The following ADGRB3 variants were observed in gnomAD, a reference collection of about 807,000 sequenced individuals.
ADGRB3 encodes adhesion G protein-coupled receptor B3.
In ADGRB3, 37 loss-of-function variants were observed where a neutral mutation model predicts 193.4. The observed-to-expected ratio is 0.19, with a 90% CI of 0.15 to 0.25. ADGRB3 has a LOEUF of 0.25. ADGRB3 is among the 10% of genes least tolerant of loss of function. ADGRB3 has a pLI of 1.00. For missense variants in ADGRB3, 1,637 were observed against 1,852.9 expected (o/e 0.88, Z 2.14); for synonymous variants, 690 against 644.2 (o/e 1.07, Z -1.08).
rs1211871897 is a variant in ADGRB3, at chr6:68,899,494, A to G, written c.758-31065A>G. ...GTGTGATATTCCCCTTCCTGTGTCC[A>G]TGTGATCTCATTGTTCAGTTCCCAC... On this transcript the variant is annotated intron_variant, in intron 3 of 31. Transcript: ENST00000370598. Among the ~76,000 whole-genome samples, 23 of 128,856 alleles carry G rather than the reference A, an allele frequency of 1.8e-4. No individual in the cohort carries two copies. In the Admixed American group the frequency reaches 2.2e-3, roughly 12 times the overall value. 84.5% of individuals were successfully genotyped at this position (128,856 alleles called of 152,430 possible).
chr6:68,753,270 G>A (rs980276794), intron 3 of ADGRB3, among the ~76,000 whole-genome samples: 3 of 152,200 alleles, frequency 2.0e-5, no homozygotes, highest in African/African-American at 7.2e-5. Context: ...AGATTGATTA[G>A]AAAGTCCTTC....
chr6:69,122,064 G>T (rs138328341), intron 17 of ADGRB3, among the ~76,000 whole-genome samples: 1 of 152,072 alleles, frequency 6.6e-6, no homozygotes, highest in Non-Finnish European at 1.5e-5. Flanking sequence ...TGGTGGCCGG[G>T]CAGTAATCTT....
At chr6:68,639,559 G>C in intron 3 of ADGRB3, 127 bp downstream of exon 3, 1 of 1,288,812 alleles carries the variant, frequency 7.8e-7, no homozygotes, top group Non-Finnish European at 1.0e-6. Context: ...CATTTGATTT[G>C]TGCTATTCAC....
chr6:69,306,027 G>A (rs761895090), intron 20 of ADGRB3, among the ~76,000 whole-genome samples: 1 of 151,490 alleles, frequency 6.6e-6, no homozygotes, highest in South Asian at 2.1e-4. Flanking sequence ...ATGGAAGGAT[G>A]TGCATAGATT....
chr6:69,291,591 G>A (rs1480125410), intron 20 of ADGRB3, among the ~76,000 whole-genome samples: 1 of 152,008 alleles, frequency 6.6e-6, no homozygotes, highest in Non-Finnish European at 1.5e-5. Context: ...ATTCAGAATT[G>A]GGTTACTCAT....
chr6:69,345,261 T>G (rs1411811397), intron 26 of ADGRB3, among the ~76,000 whole-genome samples: 1 of 152,068 alleles, frequency 6.6e-6, no homozygotes, highest in Non-Finnish European at 1.5e-5. Flanking sequence ...ATTCTAACAT[T>G]TTGAGGTTGT....
intron 11 of ADGRB3, among the ~76,000 whole-genome samples, chr6:69,000,129 C>A (rs1414062640): frequency 1.3e-5 from 2 of 152,072 alleles, no homozygotes; most frequent in Non-Finnish European, 2.9e-5. Flanking sequence ...GCCTGTCCAG[C>A]TATCTTAGTA....
intron 3 of ADGRB3, among the ~76,000 whole-genome samples, chr6:68,689,338 T>C (rs1235734636): frequency 6.6e-6 from 1 of 152,102 alleles, no homozygotes; most frequent in Non-Finnish European, 1.5e-5. Flanking sequence ...TGTTGGAGCC[T>C]CCTGACTCTG....
intron 12 of ADGRB3, among the ~76,000 whole-genome samples, chr6:69,015,635 C>A (rs1423644522): frequency 6.6e-6 from 1 of 151,802 alleles, no homozygotes; most frequent in African/African-American, 2.4e-5. Flanking sequence ...GAGTAATAGC[C>A]TCAACAAAAG....
At chr6:69,273,556 A>C (rs1445146658) in intron 20 of ADGRB3, among the ~76,000 whole-genome samples, 1 of 152,198 alleles carries the variant, frequency 6.6e-6, no homozygotes, top group African/African-American at 2.4e-5. Context: ...TCTGGAATTG[A>C]GATTAGGAAC....
chr6:68,759,282 TGAAAA>T (rs955478841), intron 3 of ADGRB3, among the ~76,000 whole-genome samples: 1 of 152,218 alleles, frequency 6.6e-6, no homozygotes, highest in Non-Finnish European at 1.5e-5. Context: ...TTGAGGCAAA[TGAAAA>T]GAAAATATAA....
chr6:69,280,310 A>G (rs1561975341), intron 20 of ADGRB3, among the ~76,000 whole-genome samples: 2 of 152,066 alleles, frequency 1.3e-5, no homozygotes, highest in Non-Finnish European at 2.9e-5. Context: ...CCTGCGTCCC[A>G]TTTGTCACCC....
At chr6:68,897,148 G>A (rs1313585778) in intron 3 of ADGRB3, among the ~76,000 whole-genome samples, 6 of 151,956 alleles carry the variant, frequency 3.9e-5, no homozygotes, top group African/African-American at 1.5e-4. Flanking sequence ...GAGAAGGGAT[G>A]AAGATAATTT....
At chr6:69,084,654 A>G (rs1252936491) in intron 17 of ADGRB3, among the ~76,000 whole-genome samples, 1 of 152,174 alleles carries the variant, frequency 6.6e-6, no homozygotes, top group Non-Finnish European at 1.5e-5. Context: ...AACATTTTCT[A>G]TCTATTTGAG....
At chr6:69,001,536 T>G (rs376032084) in intron 11 of ADGRB3, among the ~76,000 whole-genome samples, 219 of 151,758 alleles carry the variant, frequency 1.4e-3, no homozygotes, top group Non-Finnish European at 2.4e-3. Context: ...CCCATGGAGG[T>G]GCTATGGCAG....
rs760637883 is a variant in ADGRB3, at chr6:69,333,000, C to G, written c.3180C>G (p.His1060Gln). The change falls in exon 24 of 32, where the codon CAC (histidine) becomes CAG (glutamine). Residue 1060 changes from histidine to glutamine, a missense_variant. Coordinates refer to ENST00000370598, the MANE Select transcript of ADGRB3 (RefSeq NM_001704.3). Reference protein sequence around the residue: ...RDGILDKKLKHRAGQMSEPHS... With the variant: ...RDGILDKKLKQRAGQMSEPHS... ...GAATCCTAGATAAAAAGCTCAAACACAGAGCCGGGTAAGCTGCAATTGGTG... is the reference window on the plus strand; with the variant it reads ...GAATCCTAGATAAAAAGCTCAAACAGAGAGCCGGGTAAGCTGCAATTGGTG... 2.3e-5 allele frequency: 37 copies of G among 1,613,568 alleles called. No homozygotes were observed. Among genetic ancestry groups the G allele is most frequent in the Middle Eastern group, 1.6e-4 (1 of 6,074 alleles).
intron 26 of ADGRB3, among the ~76,000 whole-genome samples, chr6:69,346,522 T>C (rs1769092135): frequency 6.6e-6 from 1 of 151,936 alleles, no homozygotes; most frequent in Admixed American, 6.6e-5. Context: ...AATAAACAAC[T>C]CTATCAAAAA....
At chr6:69,159,940 G>A (rs1169026174) in intron 17 of ADGRB3, among the ~76,000 whole-genome samples, 1 of 151,988 alleles carries the variant, frequency 6.6e-6, no homozygotes, top group Non-Finnish European at 1.5e-5. Flanking sequence ...AGTCCAAAAT[G>A]TTTTCTTTCA....
At chr6:68,769,056 T>C (rs1766566461) in intron 3 of ADGRB3, among the ~76,000 whole-genome samples, 1 of 152,106 alleles carries the variant, frequency 6.6e-6, no homozygotes, top group African/African-American at 2.4e-5. Flanking sequence ...CTGGAGAGGA[T>C]GTGGAGAAAT....
Sources: gnomAD v4.1 joint callset for allele counts (sites outside exome capture counted in the v4.1 genomes callset) on GRCh38, gnomAD v4.1.1 for gene constraint, MANE v1.5 for transcripts, NCBI Gene and HGNC (gene_info 2026-07-23, HGNC 2026-07-21) for gene names.